GAREM2: variants seen among roughly 807,000 people sequenced by gnomAD.
GAREM2 encodes the protein GRB2 associated regulator of MAPK1 subtype 2.
Under a neutral mutation model 55.6 loss-of-function variants are expected in GAREM2, and 30 were observed. The ratio of observed to expected loss-of-function variants is 0.54; its 90% CI spans 0.40 to 0.73. The LOEUF (loss-of-function observed/expected upper bound fraction) is 0.73. Ranked by LOEUF, GAREM2 falls within the 30% of genes least tolerant of loss-of-function variation. The pLI is 0.00. For synonymous variants in GAREM2, 550 were observed against 569.1 expected (o/e 0.97, Z 0.48); for missense variants, 1,075 against 1,257.7 (o/e 0.85, Z 2.20).
downstream of GAREM2, among the ~76,000 whole-genome samples, chr2:26,194,067 C>T (rs531337858): frequency 6.6e-6 from 1 of 152,304 alleles, no homozygotes; most frequent in African/African-American, 2.4e-5. Context: ...GATTGCATGA[C>T]AGACGGCTGA....
At chr2:26,192,755 CAAAA>C (rs1371526173), downstream of GAREM2, among the ~76,000 whole-genome samples, 1 of 151,974 alleles carries the variant, frequency 6.6e-6, no homozygotes, top group Non-Finnish European at 1.5e-5. Context: ...AAAAAACAAA[CAAAA>C]AAGACCCTGA....
At chr2:26,173,875 G>GGGTCTGCTGCCCGGCGTGACCCC (rs1668777550) in intron 1 of GAREM2, among the ~76,000 whole-genome samples, 1 of 152,014 alleles carries the variant, frequency 6.6e-6, no homozygotes, top group Non-Finnish European at 1.5e-5. Flanking sequence ...GGCGGGAGCC[G>GGGTCTGCTGCCCGGCGTGACCCC]GGTCTGCTGC....
At chr2:26,177,683 T>C (rs1668905670) in intron 2 of GAREM2, among the ~76,000 whole-genome samples, 2 of 152,068 alleles carry the variant, frequency 1.3e-5, no homozygotes, top group African/African-American at 4.8e-5. Flanking sequence ...TTGCTCAGGC[T>C]GGAGAGGAGA....
At chr2:26,193,419 G>A (rs1669569814), downstream of GAREM2, among the ~76,000 whole-genome samples, 1 of 150,094 alleles carries the variant, frequency 6.7e-6, no homozygotes, top group Non-Finnish European at 1.5e-5. Flanking sequence ...GGTTGCTACC[G>A]CACCTGACTC....
downstream of GAREM2, chr2:26,192,558 G>C: frequency 1.4e-6 from 1 of 701,746 alleles, no homozygotes; most frequent in East Asian, 2.7e-5. Flanking sequence ...AGGCCGAGGC[G>C]GAGGATCATT....
intron 5 of GAREM2, 136 bp downstream of exon 5, chr2:26,186,494 A>G (rs1463887895): frequency 9.8e-6 from 8 of 813,250 alleles, no homozygotes; most frequent in Admixed American, 7.7e-5. Context: ...CTCCCTGTGC[A>G]GTGGCTCAGG....
At position 26,176,335 on chromosome 2, in the gene GAREM2, C is replaced by G; in HGVS notation, c.113-9C>G. ...TCCCCTCATCCTCTGTCCTCCTCCC[C>G]CTTCCCAGGGGAGTACGCCGAGGGC... On this transcript the variant is annotated splice_polypyrimidine_tract_variant and intron_variant, in intron 1 of 5. Transcript: ENST00000401533. The G allele has an allele frequency of 6.6e-7, 1 of 1,525,644 alleles. No homozygotes were observed. Among genetic ancestry groups the G allele is most frequent in the Non-Finnish European group, 8.8e-7 (1 of 1,131,944 alleles). The allele number at this position is 1,525,644 out of a possible 1,614,324, so 94.5% of individuals were successfully genotyped here.
the GAREM2 span, chr2:26,201,382 C>T: frequency 8.7e-7 from 1 of 1,155,458 alleles, no homozygotes; most frequent in Non-Finnish European, 1.3e-6. Context: ...ATTGAATGTC[C>T]ATGGGCCAGA....
chr2:26,182,257 G>A lies in GAREM2; in HGVS notation c.254-710G>A, dbSNP rs563370634. On this transcript the variant is annotated intron_variant, in intron 2 of 5. Transcript: ENST00000401533. ...GCATGTGCTGAGCTTGGCAAAGCAC[G>A]CAGCCCCAGACTGCAGGTTGGGAAG... 4.4e-5 allele frequency: 63 copies of A among 1,422,374 alleles called. No individual in the cohort carries two copies. In the African/African-American group the frequency reaches 7.5e-4, roughly 17 times the overall value. The allele number at this position is 1,422,374 out of a possible 1,614,324, so 88.1% of individuals were successfully genotyped here. A position where few individuals can be genotyped will look rare whatever the true frequency, so the allele number is the denominator to read the frequency against.
At chr2:26,192,684 G>A (rs964675635), downstream of GAREM2, among the ~76,000 whole-genome samples, 5 of 152,022 alleles carry the variant, frequency 3.3e-5, no homozygotes, top group Admixed American at 2.0e-4. Context: ...AGGTGGAGAC[G>A]AGATTATGCC....
downstream of GAREM2, among the ~76,000 whole-genome samples, chr2:26,192,789 G>C (rs915691217): frequency 2.0e-5 from 3 of 152,156 alleles, no homozygotes; most frequent in African/African-American, 7.2e-5. Context: ...TCTTGTCTCT[G>C]TTGGTCTATT....
At position 26,185,119 on chromosome 2, in the gene GAREM2, C is replaced by T. The variant is rs1174221675; in HGVS notation, c.1271C>T (p.Pro424Leu). 4.0e-5 allele frequency: 58 copies of T among 1,454,466 alleles called. No homozygotes were observed. The highest frequency in any genetic ancestry group is 5.2e-5 in the Non-Finnish European group (58 of 1,111,834). 90.1% of individuals were successfully genotyped at this position (1,454,466 alleles called of 1,614,324 possible). ...GCCGCGCCCGAGCCCGCCGCGCCGC[C>T]CGCCGAGATCCCCTACGAGGAGTTG... ...WAAAPEPAAPPAEIPYEELWA... is the reference protein window; with the variant it reads ...WAAAPEPAAPLAEIPYEELWA... Residue 424 changes from proline to leucine, a missense_variant, in exon 4 of 6, where the codon CCC becomes CTC. Physicochemically the swap from Pro to Leu is moderately conservative, Grantham distance 98 (BLOSUM62 -3). Coordinates refer to ENST00000401533, the MANE Select transcript of GAREM2 (RefSeq NM_001168241.2).
chr2:26,200,998 C>T, the GAREM2 span: 4 of 702,288 alleles, frequency 5.7e-6, no homozygotes, highest in African/African-American at 1.8e-5. Flanking sequence ...TCCCAAACTA[C>T]TGGGATTATA....
At chr2:26,197,609 C>T in the GAREM2 span, 3 of 790,318 alleles carry the variant, frequency 3.8e-6, no homozygotes. Flanking sequence ...TCCACTGTCT[C>T]TTCTGTACTC....
At chr2:26,201,331 C>G in the GAREM2 span, 1 of 1,582,762 alleles carries the variant, frequency 6.3e-7, no homozygotes. Flanking sequence ...CTAGAAAAAA[C>G]ACATTCCTAG....
At chr2:26,201,880 T>TGC in the GAREM2 span, among the ~76,000 whole-genome samples, 1 of 151,936 alleles carries the variant, frequency 6.6e-6, no homozygotes, top group East Asian at 1.9e-4. Flanking sequence ...CTGCAACCTC[T>TGC]TGTCTCCTGG....
At chr2:26,177,048 T>C (rs1157170874) in intron 2 of GAREM2, among the ~76,000 whole-genome samples, 1 of 152,258 alleles carries the variant, frequency 6.6e-6, no homozygotes, top group African/African-American at 2.4e-5. Context: ...TTATTAGTTT[T>C]ATACGTGACG....
At position 26,184,856 on chromosome 2, in the gene GAREM2, C is replaced by T. The variant is rs868834620; in HGVS notation, c.1008C>T (p.Arg336=). The T allele has an allele frequency of 8.2e-6, 12 of 1,469,740 alleles. No individual in the cohort carries two copies. The Middle Eastern group carries it at 1.9e-3, about 232-fold the overall frequency. The allele number at this position is 1,469,740 out of a possible 1,614,324, so 91.0% of individuals were successfully genotyped here. The stretch of plus-strand genomic sequence containing the variant: ...AGGGCCTGCTGGCCGGGGACCCGCG[C>T]GTCGAGCGCCTGGTGCGCGACAGCG... ...LPQGLLAGDP[R]VERLVRDSAS... The change falls in exon 4 of 6, where the codon CGC becomes CGT. Residue 336 remains arginine, a synonymous_variant. Coordinates refer to ENST00000401533, the MANE Select transcript of GAREM2 (RefSeq NM_001168241.2).
chr2:26,197,063 T>G, the GAREM2 span, among the ~76,000 whole-genome samples: 1 of 152,356 alleles, frequency 6.6e-6, no homozygotes, highest in African/African-American at 2.4e-5. Flanking sequence ...TTAAAGTTCT[T>G]TTATAATTCC....
Sources: gnomAD v4.1 joint callset for allele counts (sites outside exome capture counted in the v4.1 genomes callset) on GRCh38, gnomAD v4.1.1 for gene constraint, MANE v1.5 for transcripts, NCBI Gene and HGNC (gene_info 2026-07-23, HGNC 2026-07-21) for gene names.